VAC14: variants seen among roughly 807,000 people sequenced by gnomAD.
The protein encoded by VAC14 is VAC14 component of PIKFYVE complex.
In VAC14, 47 loss-of-function variants were observed where a neutral mutation model predicts 85.3. The observed-to-expected ratio is 0.55, with a 90% confidence interval of 0.44 to 0.70. The LOEUF is 0.70. VAC14 is among the 30% of genes least tolerant of loss of function. VAC14 has a pLI of 0.00. For synonymous variants in VAC14, 447 were observed against 430.5 expected (o/e 1.04, Z -0.47); for missense variants, 861 against 1,004.3 (o/e 0.86, Z 1.93).
At chr16:70,701,144 C>T (rs980346653) in intron 14 of VAC14, among the ~76,000 whole-genome samples, 16 of 152,176 alleles carry the variant, frequency 1.1e-4, no homozygotes, top group African/African-American at 3.9e-4. Flanking sequence ...GTTTTCCTCC[C>T]ACCTCTCCCC....
chr16:70,748,659 A>T (rs1401127152), intron 12 of VAC14, among the ~76,000 whole-genome samples: 1 of 152,198 alleles, frequency 6.6e-6, no homozygotes, highest in African/African-American at 2.4e-5. Flanking sequence ...AGAGCTCATG[A>T]CACAAGGCCA....
chr16:70,693,711 G>A (rs1188426042), intron 17 of VAC14, among the ~76,000 whole-genome samples: 1 of 152,228 alleles, frequency 6.6e-6, no homozygotes. Flanking sequence ...AGGTGGGATT[G>A]GAAACGGGCT....
At chr16:70,766,744 G>A (rs1319307490) in intron 10 of VAC14, among the ~76,000 whole-genome samples, 1 of 152,150 alleles carries the variant, frequency 6.6e-6, no homozygotes, top group Non-Finnish European at 1.5e-5. Context: ...AGAGGACCAG[G>A]CAGACTGATC....
At chr16:70,739,887 A>G (rs2030094008) in intron 13 of VAC14, among the ~76,000 whole-genome samples, 1 of 152,124 alleles carries the variant, frequency 6.6e-6, no homozygotes. Flanking sequence ...GGTCATTATC[A>G]CCCATTTTTA....
intron 14 of VAC14, among the ~76,000 whole-genome samples, chr16:70,729,644 C>T (rs1480041227): frequency 6.6e-6 from 1 of 152,034 alleles, no homozygotes; most frequent in Non-Finnish European, 1.5e-5. Flanking sequence ...TCGTCATAGC[C>T]TCCTTTTCTG....
intron 14 of VAC14, among the ~76,000 whole-genome samples, chr16:70,711,877 C>T (rs1436732531): frequency 6.6e-6 from 1 of 152,214 alleles, no homozygotes; most frequent in Non-Finnish European, 1.5e-5. Flanking sequence ...CATGAATACT[C>T]ACCAGTGGTA....
intron 13 of VAC14, among the ~76,000 whole-genome samples, chr16:70,737,487 G>GGAGCAT (rs1180450092): frequency 5.7e-4 from 87 of 152,344 alleles, no homozygotes; most frequent in African/African-American, 1.9e-3. Context: ...GCAGAGGGCA[G>GGAGCAT]GAGCATGAGG....
At chr16:70,695,259 G>C (rs2053683257) in intron 17 of VAC14, among the ~76,000 whole-genome samples, 1 of 152,080 alleles carries the variant, frequency 6.6e-6, no homozygotes. Flanking sequence ...CTATAGGCAT[G>C]CACTCTCATG....
intron 6 of VAC14, 95 bp from the exon 7 acceptor site, chr16:70,783,234 A>G (rs2033894943): frequency 7.4e-7 from 1 of 1,354,806 alleles, no homozygotes; most frequent in Non-Finnish European, 1.0e-6. Flanking sequence ...TCAGCCACCC[A>G]GAGGGCGGCT....
rs1342439552 is a variant in VAC14 at position 70,762,729 on chromosome 16, C to A, written c.1306-124G>T. On this transcript the variant is annotated intron_variant, in intron 11 of 18. Coordinates refer to ENST00000261776, the MANE Select transcript of VAC14 (RefSeq NM_018052.5). The surrounding 1 kb of genome is among the most constrained non-coding windows in gnomAD (Gnocchi z 4.1). ...GCACGGACCACTTCCCTCCCCGACACAATGAGGGCTCCTCGCAGCACCTGT... is the reference window on the plus strand; with the variant it reads ...GCACGGACCACTTCCCTCCCCGACAAAATGAGGGCTCCTCGCAGCACCTGT... 2.7e-6 allele frequency: 4 copies of A among 1,491,960 alleles called. No individual in the cohort carries two copies. Among genetic ancestry groups the A allele is most frequent in the African/African-American group, 2.8e-5 (2 of 72,312 alleles). The allele number at this position is 1,491,960 out of a possible 1,614,324, so 92.4% of individuals were successfully genotyped here. A position where few individuals can be genotyped will look rare whatever the true frequency, so the allele number is the denominator to read the frequency against.
intron 12 of VAC14, chr16:70,745,141 G>T (rs2030745552): frequency 6.5e-6 from 1 of 152,784 alleles, no homozygotes; most frequent in Non-Finnish European, 1.5e-5. Flanking sequence ...ACTTCCTAAT[G>T]TCCAGACATG....
intron 13 of VAC14, 92 bp from the exon 14 acceptor site, chr16:70,731,719 A>C (rs1293412449): frequency 1.4e-6 from 2 of 1,382,778 alleles, no homozygotes; most frequent in East Asian, 4.7e-5. Context: ...TATAAATGCC[A>C]AAAAGATGTG....
intron 14 of VAC14, among the ~76,000 whole-genome samples, chr16:70,711,425 C>A (rs2054032362): frequency 6.6e-6 from 1 of 152,158 alleles, no homozygotes; most frequent in Admixed American, 6.5e-5. Flanking sequence ...CCACCCCCAC[C>A]TGTGCAGAGT....
At chr16:70,752,695 G>A (rs570629176) in intron 12 of VAC14, among the ~76,000 whole-genome samples, 1 of 152,208 alleles carries the variant, frequency 6.6e-6, no homozygotes, top group Non-Finnish European at 1.5e-5. Flanking sequence ...CACAGTCCCC[G>A]AGCGAAGGAT....
chr16:70,738,227 G>A (rs2054824204), intron 13 of VAC14, among the ~76,000 whole-genome samples: 1 of 152,182 alleles, frequency 6.6e-6, no homozygotes. Context: ...CAGGGTCTTG[G>A]GGGTGTAGAG....
At chr16:70,756,869 T>C (rs1196276074) in intron 12 of VAC14, among the ~76,000 whole-genome samples, 3 of 152,120 alleles carry the variant, frequency 2.0e-5, no homozygotes, top group Non-Finnish European at 4.4e-5. Flanking sequence ...CGTGCCACAG[T>C]GGGTGTGATG....
intron 18 of VAC14, chr16:70,691,969 C>T (rs531880778): frequency 1.0e-5 from 10 of 985,088 alleles, no homozygotes; most frequent in African/African-American, 1.7e-5. Context: ...GAATTCTAGA[C>T]ACACAGGGCA....
intron 12 of VAC14, among the ~76,000 whole-genome samples, chr16:70,750,669 G>GT (rs1282722582): frequency 2.6e-5 from 4 of 152,168 alleles, no homozygotes; most frequent in Middle Eastern, 3.2e-3. Context: ...AGGAGGGTGA[G>GT]TGTCTGGGTG....
chr16:70,699,506 T>C (rs2053780358), intron 14 of VAC14: 1 of 152,198 alleles, frequency 6.6e-6, no homozygotes, highest in Admixed American at 6.5e-5. Context: ...ATCTCTTGTC[T>C]AGTTAAGAGT....
Sources: gnomAD v4.1 joint callset for allele counts (sites outside exome capture counted in the v4.1 genomes callset) on GRCh38, gnomAD v4.1.1 for gene constraint, Gnocchi (gnomAD v3.1) non-coding constraint, MANE v1.5 for transcripts, NCBI Gene and HGNC (gene_info 2026-07-23, HGNC 2026-07-21) for gene names.